The following TMCC2 variants were observed in gnomAD, a reference collection of about 807,000 sequenced individuals.
TMCC2 encodes transmembrane and coiled-coil domain family 2.
Under a neutral mutation model 49.4 loss-of-function variants are expected in TMCC2, and 16 were observed. The observed-to-expected ratio is 0.32, with a 90% CI of 0.22 to 0.49. The LOEUF (loss-of-function observed/expected upper bound fraction) is 0.49. Ranked by LOEUF, TMCC2 falls within the 20% of genes least tolerant of loss-of-function variation. TMCC2 has a pLI of 0.99. For missense variants in TMCC2, 762 were observed against 989.8 expected, an observed-to-expected ratio of 0.77 and a Z score of 3.09; for synonymous variants, 397 against 434.1, an observed-to-expected ratio of 0.91 and a Z score of 1.06.
chr1:205,261,370 G>GTT (rs113306045), intron 2 of TMCC2, among the ~76,000 whole-genome samples: 4 of 151,206 alleles, frequency 2.6e-5, no homozygotes, highest in Non-Finnish European at 5.9e-5. Context: ...ACACCTGGCT[G>GTT]TTTTTTTATT....
At chr1:205,260,724 T>G (rs1661072745) in intron 2 of TMCC2, among the ~76,000 whole-genome samples, 1 of 145,870 alleles carries the variant, frequency 6.9e-6, no homozygotes. Flanking sequence ...CTAATCAGCT[T>G]TCTGTCTCTG....
intron 2 of TMCC2, among the ~76,000 whole-genome samples, chr1:205,267,709 C>G (rs1661399998): frequency 6.6e-6 from 1 of 152,190 alleles, no homozygotes; most frequent in African/African-American, 2.4e-5. Flanking sequence ...TTCTCTCCCT[C>G]CCCATCATCC....
intron 2 of TMCC2, among the ~76,000 whole-genome samples, chr1:205,262,317 A>G (rs954785938): frequency 5.9e-5 from 9 of 152,290 alleles, no homozygotes; most frequent in Non-Finnish European, 1.0e-4. Context: ...CCAGGCTGGA[A>G]TCTTGACCCT....
At chr1:205,257,424 A>T in intron 2 of TMCC2, 2 of 1,228,780 alleles carry the variant, frequency 1.6e-6, no homozygotes, top group Non-Finnish European at 2.0e-6. Flanking sequence ...GAGTTGGGGG[A>T]TGGGAAAAGG....
At chr1:205,257,174 C>T in intron 2 of TMCC2, 3 of 1,232,520 alleles carry the variant, frequency 2.4e-6, no homozygotes, top group Non-Finnish European at 3.0e-6. Flanking sequence ...GCAATCCGCC[C>T]CTAATCCCCA....
chr1:205,256,329 G>C, intron 2 of TMCC2: 10 of 1,550,262 alleles, frequency 6.5e-6, no homozygotes, highest in Non-Finnish European at 8.7e-6. Context: ...ATTGTCCTCA[G>C]CTGTGGACCT....
chr1:205,252,679 G>A (rs1660712009), intron 2 of TMCC2, among the ~76,000 whole-genome samples: 1 of 152,048 alleles, frequency 6.6e-6, no homozygotes, highest in African/African-American at 2.4e-5. Flanking sequence ...GCACATTTGG[G>A]GCCTGAAATT....
chr1:205,258,260 T>C (rs1660958720), intron 2 of TMCC2, among the ~76,000 whole-genome samples: 1 of 152,014 alleles, frequency 6.6e-6, no homozygotes, highest in Non-Finnish European at 1.5e-5. Context: ...TGAAATCCCC[T>C]TGTAGTAGAG....
Position 205,269,423 on chromosome 1 carries a change from G to A in TMCC2, c.1221G>A (p.Lys407=). The change falls in exon 3 of 5, where the codon AAG becomes AAA. Residue 407 remains lysine, a synonymous_variant. Coordinates refer to ENST00000358024, the MANE Select transcript of TMCC2 (RefSeq NM_014858.4). ...GFGGGVVEGV[K]GSLSGLSQAT... ...GGGGCGGCGTGGTGGAGGGCGTCAA[G>A]GGCAGCCTCTCTGGCCTCTCACAGG... 2 of 1,606,452 alleles carry A rather than the reference G, an allele frequency of 1.2e-6. No individual in the cohort carries two copies. The highest frequency in any genetic ancestry group is 1.7e-6 in the Non-Finnish European group (2 of 1,174,834).
intron 2 of TMCC2, among the ~76,000 whole-genome samples, chr1:205,247,059 T>A (rs1328150561): frequency 6.6e-6 from 1 of 152,168 alleles, no homozygotes; most frequent in East Asian, 1.9e-4. Flanking sequence ...GGTGACCTGA[T>A]GAGGGGACGG....
At chr1:205,252,951 T>A (rs1660724033) in intron 2 of TMCC2, among the ~76,000 whole-genome samples, 1 of 150,528 alleles carries the variant, frequency 6.6e-6, no homozygotes, top group South Asian at 2.1e-4. Context: ...TGAGACCTTG[T>A]CTCTCTTAAA....
At chr1:205,247,143 C>A (rs1249827253) in intron 2 of TMCC2, among the ~76,000 whole-genome samples, 1 of 152,174 alleles carries the variant, frequency 6.6e-6, no homozygotes, top group Non-Finnish European at 1.5e-5. Flanking sequence ...TTAGAACCCT[C>A]AGCTTTGTTA....
At chr1:205,251,480 G>A (rs1271744695) in intron 2 of TMCC2, among the ~76,000 whole-genome samples, 1 of 152,172 alleles carries the variant, frequency 6.6e-6, no homozygotes, top group Admixed American at 6.5e-5. Flanking sequence ...CCCTAGAGCT[G>A]AGCTAGTGTC....
At chr1:205,246,644 A>G (rs1660463996) in intron 2 of TMCC2, 1 of 1,550,380 alleles carries the variant, frequency 6.5e-7, no homozygotes. Context: ...TCAGCCCTTA[A>G]TGAGCAGACA....
intron 2 of TMCC2, among the ~76,000 whole-genome samples, chr1:205,254,132 C>T (rs1029516728): frequency 3.9e-5 from 6 of 152,174 alleles, no homozygotes; most frequent in East Asian, 1.9e-4. Context: ...ACATGGAAGC[C>T]GCACAGCTAG....
At position 205,269,250 on chromosome 1, in the gene TMCC2, C is replaced by A; in HGVS notation, c.1048C>A (p.Leu350Met). 2 of 1,613,928 alleles carry A rather than the reference C, an allele frequency of 1.2e-6. No homozygotes were observed. The highest frequency in any genetic ancestry group is 1.7e-6 in the Non-Finnish European group (2 of 1,180,044). Residue 350 changes from leucine (L) to methionine (M), a missense_variant, in exon 3 of 5, where the codon CTG becomes ATG. Physicochemically the swap from Leu to Met is conservative, Grantham distance 15. Around this residue, in one of 2 missense-constraint regions of TMCC2, gnomAD observed 440 missense variants for 636.7 expected, o/e 0.69. Coordinates refer to ENST00000358024, the MANE Select transcript of TMCC2 (RefSeq NM_014858.4). ...GAAGTCAGCCCAGACCATCGCCCAGCTGCACAAGAAGCTGGAGCACTACCG... is the reference window on the plus strand; with the variant it reads ...GAAGTCAGCCCAGACCATCGCCCAGATGCACAAGAAGCTGGAGCACTACCG... ...NQKSAQTIAQ[L>M]HKKLEHYRRR...
chr1:205,231,998 G>A (rs191798192), intron 1 of TMCC2, among the ~76,000 whole-genome samples: 94 of 152,266 alleles, frequency 6.2e-4, no homozygotes, highest in African/African-American at 2.2e-3. Context: ...AGGTTGGGGC[G>A]GTATTGGAAG....
chr1:205,257,340 C>T (rs970261907), intron 2 of TMCC2: 15 of 1,232,082 alleles, frequency 1.2e-5, no homozygotes, highest in African/African-American at 9.3e-5. Context: ...ATCGCCGGCA[C>T]GGCTTCGGGA....
At chr1:205,239,036 C>T (rs1454302534) in intron 1 of TMCC2, among the ~76,000 whole-genome samples, 1 of 152,008 alleles carries the variant, frequency 6.6e-6, no homozygotes, top group Non-Finnish European at 1.5e-5. Context: ...CCCAGCACCT[C>T]CACCAGCCTC....
Sources: allele counts gnomAD v4.1 joint callset (sites outside exome capture counted in the v4.1 genomes callset), GRCh38; gene constraint gnomAD v4.1.1; regional missense constraint gnomAD v4.1.1; transcripts MANE v1.5; gene names NCBI Gene and HGNC (gene_info 2026-07-23, HGNC 2026-07-21).